MORC1: variants seen among roughly 807,000 people sequenced by gnomAD.
MORC1 encodes MORC family CW-type zinc finger 1, also known as MORC family CW-type zinc finger protein 1.
Under a neutral mutation model 134.9 loss-of-function variants are expected in MORC1, and 59 were observed. That is an observed-to-expected ratio of 0.44 (90% CI 0.35 to 0.54). MORC1 has a LOEUF of 0.54. MORC1 is among the 20% of genes least tolerant of loss of function. The probability of loss-of-function intolerance (pLI) is 0.00; values close to 1 mark genes in which losing one functional copy is unlikely to be tolerated. For synonymous variants in MORC1, 395 were observed against 391.7 expected (o/e 1.01, Z -0.10); for missense variants, 947 against 1,134.5 (o/e 0.83, Z 2.37).
At chr3:109,024,642 G>A (rs917077836) in intron 17 of MORC1, among the ~76,000 whole-genome samples, 5 of 152,176 alleles carry the variant, frequency 3.3e-5, no homozygotes, top group Non-Finnish European at 5.9e-5. Context: ...ACACAGGTCT[G>A]GTCAATGGAT....
chr3:109,048,775 A>G (rs1949753608), intron 14 of MORC1, among the ~76,000 whole-genome samples: 1 of 151,152 alleles, frequency 6.6e-6, no homozygotes, highest in African/African-American at 2.4e-5. Context: ...CTCTTTGTGT[A>G]TGAATTTCCT....
chr3:109,095,353 A>G (rs1219270496), intron 6 of MORC1, among the ~76,000 whole-genome samples: 1 of 152,198 alleles, frequency 6.6e-6, no homozygotes, highest in Non-Finnish European at 1.5e-5. Flanking sequence ...CAGCATTTTA[A>G]AAGTTGAAAA....
At position 109,087,150 on chromosome 3, in the gene MORC1, C is replaced by T. The variant is rs558312401; in HGVS notation, c.689+6286G>A. On this transcript the variant is annotated intron_variant, in intron 8 of 27. Coordinates refer to ENST00000232603, the MANE Select transcript of MORC1 (RefSeq NM_014429.4). ...CCATCCTCTGCCCCCCAAATTAATG[C>T]CTCTTGAACAGGTGCTGAACCACCT... Among the ~76,000 whole-genome samples the T allele has an allele frequency of 1.3e-3, 185 of 142,218 alleles. 1 individual carries two copies. Among genetic ancestry groups the T allele is most frequent in the African/African-American group, 4.7e-3 (180 of 38,286 alleles). The allele number at this position is 142,218 out of a possible 152,430, so 93.3% of individuals were successfully genotyped here.
intron 14 of MORC1, among the ~76,000 whole-genome samples, chr3:109,052,945 A>G (rs1360624436): frequency 6.6e-6 from 1 of 152,162 alleles, no homozygotes; most frequent in Non-Finnish European, 1.5e-5. Flanking sequence ...CCCATTAAAA[A>G]GTGAGCAAAG....
Position 109,104,866 on chromosome 3 carries a change from AACACAC to A in MORC1, c.155-955_155-950del, listed in dbSNP as rs5851642. Among the ~76,000 whole-genome samples, 583 of 149,292 alleles carry A rather than the reference AACACAC, an allele frequency of 3.9e-3. 3 individuals are homozygous for A. The highest frequency in any genetic ancestry group is 0.013 in the African/African-American group (551 of 40,838). ...TAAAGTGCACAATTTGACAAATTTT[AACACAC>A]ACACACACACACACACACACGTATG... On this transcript the variant is annotated intron_variant, in intron 3 of 27. Transcript: ENST00000232603.
intron 17 of MORC1, among the ~76,000 whole-genome samples, chr3:109,014,766 C>G (rs1406681737): frequency 2.6e-5 from 4 of 152,178 alleles, no homozygotes; most frequent in Admixed American, 1.3e-4. Context: ...AAATTACACT[C>G]TTTCATTTTA....
intron 14 of MORC1, among the ~76,000 whole-genome samples, chr3:109,042,076 A>G (rs1268091945): frequency 6.6e-6 from 1 of 152,226 alleles, no homozygotes; most frequent in African/African-American, 2.4e-5. Context: ...ATAAACTGCA[A>G]TGAGATACCA....
intron 17 of MORC1, among the ~76,000 whole-genome samples, chr3:109,022,951 G>T (rs969619829): frequency 6.6e-6 from 1 of 152,178 alleles, no homozygotes; most frequent in African/African-American, 2.4e-5. Context: ...ATAATACCAG[G>T]TAGAAGTAAA....
intron 20 of MORC1, among the ~76,000 whole-genome samples, chr3:109,003,240 A>C (rs1948450503): frequency 6.7e-6 from 1 of 149,298 alleles, no homozygotes; most frequent in Non-Finnish European, 1.5e-5. Flanking sequence ...TGGCATACTG[A>C]ATGGCACACA....
chr3:108,966,910 G>T (rs1279200698), intron 26 of MORC1, among the ~76,000 whole-genome samples: 1 of 152,158 alleles, frequency 6.6e-6, no homozygotes, highest in Non-Finnish European at 1.5e-5. Flanking sequence ...TTTGAGTCAG[G>T]TGATGCAGGA....
intron 12 of MORC1, among the ~76,000 whole-genome samples, chr3:109,057,908 G>T (rs1008473698): frequency 2.0e-5 from 3 of 152,106 alleles, no homozygotes; most frequent in Admixed American, 6.6e-5. Flanking sequence ...ACATAGATTG[G>T]AATGTGCCAA....
intron 6 of MORC1, among the ~76,000 whole-genome samples, chr3:109,098,732 T>A (rs1950873207): frequency 6.6e-6 from 1 of 152,192 alleles, no homozygotes; most frequent in African/African-American, 2.4e-5. Context: ...TTCATATGTG[T>A]CTACCTTATT....
intron 8 of MORC1, among the ~76,000 whole-genome samples, chr3:109,084,858 C>T (rs772911728): frequency 3.3e-5 from 5 of 152,066 alleles, no homozygotes; most frequent in Non-Finnish European, 7.4e-5. Flanking sequence ...TTATAGCCAA[C>T]TCATTTTTGA....
intron 14 of MORC1, among the ~76,000 whole-genome samples, chr3:109,044,671 A>T (rs567681496): frequency 6.6e-6 from 1 of 152,142 alleles, no homozygotes; most frequent in African/African-American, 2.4e-5. Flanking sequence ...TGTGTGGGGC[A>T]TGGTGGCTCA....
At chr3:109,017,969 T>A (rs1021565859) in intron 17 of MORC1, among the ~76,000 whole-genome samples, 2 of 152,154 alleles carry the variant, frequency 1.3e-5, no homozygotes, top group African/African-American at 4.8e-5. Flanking sequence ...CACTGAAGAA[T>A]CCTTAAACCA....
At chr3:109,071,465 T>C (rs1950314123) in intron 8 of MORC1, among the ~76,000 whole-genome samples, 1 of 152,186 alleles carries the variant, frequency 6.6e-6, no homozygotes, top group Non-Finnish European at 1.5e-5. Flanking sequence ...AGGTCTCCCC[T>C]ATGTTAGGAG....
intron 7 of MORC1, among the ~76,000 whole-genome samples, chr3:109,094,561 C>T (rs1465807396): frequency 6.6e-6 from 1 of 152,160 alleles, no homozygotes; most frequent in East Asian, 1.9e-4. Flanking sequence ...AACTCTCTTA[C>T]ATACCTGTTA....
chr3:108,992,445 A>C (rs940018986), intron 21 of MORC1, among the ~76,000 whole-genome samples: 1 of 152,148 alleles, frequency 6.6e-6, no homozygotes, highest in African/African-American at 2.4e-5. Context: ...AGTTGCATAC[A>C]GTTTATTTAC....
In MORC1 at chr3:109,040,352, C is replaced by CAGAAAGAAAGAAAGAAAGAA. The variant is rs1553753581; in HGVS notation, c.1331-4885_1331-4884insTTCTTTCTTTCTTTCTTTCT. Among the ~76,000 whole-genome samples, 186 of 35,948 alleles carry CAGAAAGAAAGAAAGAAAGAA rather than the reference C, an allele frequency of 5.2e-3. 24 individuals are homozygous for CAGAAAGAAAGAAAGAAAGAA. Among genetic ancestry groups the CAGAAAGAAAGAAAGAAAGAA allele is most frequent in the Admixed American group, 9.9e-3 (25 of 2,524 alleles). 23.6% of individuals were successfully genotyped at this position (35,948 alleles called of 152,430 possible). A position where few individuals can be genotyped will look rare whatever the true frequency, so the allele number is the denominator to read the frequency against. ...GACTGTCTCAAAGACACTCAAAGAA[C>CAGAAAGAAAGAAAGAAAGAA]TGAAAGAAAGAAAGAAAGAAAGAAA... On this transcript the variant is annotated intron_variant, in intron 14 of 27. Transcript: ENST00000232603.
Sources: gnomAD v4.1 joint callset for allele counts (sites outside exome capture counted in the v4.1 genomes callset) on GRCh38, gnomAD v4.1.1 for gene constraint, MANE v1.5 for transcripts, NCBI Gene and HGNC (gene_info 2026-07-23, HGNC 2026-07-21) for gene names.